GRB14: variants seen among roughly 807,000 people sequenced by gnomAD.
The protein encoded by GRB14 is growth factor receptor bound protein 14, also known as growth factor receptor-bound protein 14.
GRB14 carries 38 observed loss-of-function variants against 69.1 expected under a neutral mutation model. The ratio of observed to expected loss-of-function variants is 0.55; its 90% confidence interval spans 0.42 to 0.72. The LOEUF is 0.72. Among genes scored for constraint, GRB14 ranks in the 30% least tolerant of loss-of-function variants. The pLI is 0.00. For missense variants in GRB14, 666 were observed against 666.1 expected (o/e 1.00, Z 0.00); for synonymous variants, 247 against 241.3 (o/e 1.02, Z -0.22).
chr2:164,619,905 G>A (rs1408525360), intron 1 of GRB14, 86 bp from the exon 2 acceptor site: 8 of 1,083,202 alleles, frequency 7.4e-6, no homozygotes, highest in East Asian at 4.8e-5. Context: ...GTGCTAAGGC[G>A]AACATGTACC....
intron 5 of GRB14, among the ~76,000 whole-genome samples, chr2:164,523,819 T>C (rs780102204): frequency 2.6e-5 from 4 of 152,114 alleles, no homozygotes; most frequent in Non-Finnish European, 5.9e-5. Context: ...TTTTCTTGTT[T>C]TTATAATTTA....
At chr2:164,505,162 C>T (rs1687157663) in intron 8 of GRB14, among the ~76,000 whole-genome samples, 1 of 152,148 alleles carries the variant, frequency 6.6e-6, no homozygotes, top group Non-Finnish European at 1.5e-5. Flanking sequence ...TAATTTGTTA[C>T]AGCAGTCATA....
chr2:164,541,343 G>A (rs1486702501), intron 3 of GRB14, among the ~76,000 whole-genome samples: 1 of 151,812 alleles, frequency 6.6e-6, no homozygotes, highest in Non-Finnish European at 1.5e-5. Context: ...GTGGTGGTGG[G>A]TGCCTGTAAT....
chr2:164,620,078 T>G lies in GRB14; in HGVS notation c.192-259A>C, dbSNP rs74169433. The G allele has an allele frequency of 1.9e-3, 61 of 32,646 alleles. 4 individuals are homozygous for G. The highest frequency in any genetic ancestry group is 0.017 in the South Asian group (28 of 1,696). 2.0% of individuals were successfully genotyped at this position (32,646 alleles called of 1,614,324 possible). Reference sequence around the variant, plus strand: ...TCTCTCTCTCCCCTCCCACCACCCCTCCCCCCCCCACCGCCTTCTCTCTCT... The same window carrying G: ...TCTCTCTCTCCCCTCCCACCACCCCGCCCCCCCCCACCGCCTTCTCTCTCT... On this transcript the variant is annotated intron_variant, in intron 1 of 13. Transcript: ENST00000263915.
At chr2:164,608,305 G>A (rs1390141257) in intron 2 of GRB14, among the ~76,000 whole-genome samples, 2 of 151,954 alleles carry the variant, frequency 1.3e-5, no homozygotes, top group East Asian at 3.9e-4. Context: ...CCAGGAGGTG[G>A]AGGTCGTAGT....
intron 2 of GRB14, among the ~76,000 whole-genome samples, chr2:164,583,969 A>G (rs1689475019): frequency 6.6e-6 from 1 of 151,558 alleles, no homozygotes; most frequent in Non-Finnish European, 1.5e-5. Context: ...CTATATTATT[A>G]TGCAGAATTT....
Position 164,492,907 on chromosome 2 carries a change from A to AT in GRB14, c.*128dup, listed in dbSNP as rs1303924477. ...TTTGCTTATTTGCAATGCACAAACT[A>AT]TTTTTTTGTAACTTGCAGGTGAAAT... On this transcript the variant is annotated 3_prime_UTR_variant, in exon 14 of 14. Coordinates refer to ENST00000263915, the MANE Select transcript of GRB14 (RefSeq NM_004490.3). 4 of 784,266 alleles carry AT rather than the reference A, an allele frequency of 5.1e-6. No homozygotes were observed. The highest frequency in any genetic ancestry group is 7.8e-6 in the Non-Finnish European group (4 of 515,886). The allele number at this position is 784,266 out of a possible 1,614,324, so 48.6% of individuals were successfully genotyped here. A position where few individuals can be genotyped will look rare whatever the true frequency, so the allele number is the denominator to read the frequency against.
intron 2 of GRB14, among the ~76,000 whole-genome samples, chr2:164,587,596 C>CTGCCAATACA (rs1347855543): frequency 2.0e-5 from 3 of 152,080 alleles, no homozygotes; most frequent in African/African-American, 7.2e-5. Flanking sequence ...ATACTACATA[C>CTGCCAATACA]TAACAAATAA....
chr2:164,508,696 A>C (rs1687256781), intron 7 of GRB14, 46 bp downstream of exon 7: 3 of 1,492,122 alleles, frequency 2.0e-6, no homozygotes, highest in East Asian at 4.5e-5. Flanking sequence ...CTTACCTAAA[A>C]GGCTGAGGCT....
chr2:164,510,062 T>G (rs995601237), intron 6 of GRB14, among the ~76,000 whole-genome samples: 1 of 152,104 alleles, frequency 6.6e-6, no homozygotes, highest in East Asian at 1.9e-4. Flanking sequence ...CGGAAAAAGG[T>G]AGGAGGAAAG....
At chr2:164,512,267 A>G (rs572876151) in intron 6 of GRB14, among the ~76,000 whole-genome samples, 1 of 152,226 alleles carries the variant, frequency 6.6e-6, no homozygotes, top group South Asian at 2.1e-4. Flanking sequence ...CCTAGGTTCA[A>G]GTGATTCTCC....
At chr2:164,586,744 T>A (rs934550004) in intron 2 of GRB14, among the ~76,000 whole-genome samples, 2 of 152,168 alleles carry the variant, frequency 1.3e-5, no homozygotes, top group African/African-American at 4.8e-5. Context: ...TCAAATCCCT[T>A]GATCAAAATG....
chr2:164,537,737 C>T (rs750296444), intron 3 of GRB14, among the ~76,000 whole-genome samples: 1 of 152,174 alleles, frequency 6.6e-6, no homozygotes, highest in East Asian at 1.9e-4. Context: ...GTTGTGGGCA[C>T]TTACTATCTT....
chr2:164,493,170 C>A lies in GRB14; in HGVS notation c.1489G>T (p.Gly497Cys). 6.2e-7 allele frequency: 1 copy of A among 1,612,000 alleles called. No individual in the cohort carries two copies. Among genetic ancestry groups the A allele is most frequent in the Non-Finnish European group, 8.5e-7 (1 of 1,179,018 alleles). Residue 497 changes from glycine (G) to cysteine (C), a missense_variant, in exon 14 of 14, where the codon GGT becomes TGT. Physicochemically the swap from Gly to Cys is radical, Grantham distance 159 (BLOSUM62 -3). Coordinates refer to ENST00000263915, the MANE Select transcript of GRB14 (RefSeq NM_004490.3). ...TCATCCAGTGTGTGGAACATTTCAC[C>A]GTCATCTTCTACCTGCAAAAAGAAA... Reference protein sequence around the residue: ...HFQIIPVEDDGEMFHTLDDGH... With the variant: ...HFQIIPVEDDCEMFHTLDDGH...
At chr2:164,620,073 A>ACCCCC (rs1558888515) in intron 1 of GRB14, 2 of 43,766 alleles carry the variant, frequency 4.6e-5, no homozygotes, top group Non-Finnish European at 8.0e-5. Context: ...CCCTCCCACC[A>ACCCCC]CCCCTCCCCC....
intron 3 of GRB14, among the ~76,000 whole-genome samples, chr2:164,544,395 G>A (rs1014594762): frequency 2.0e-4 from 30 of 151,972 alleles, no homozygotes; most frequent in Admixed American, 7.2e-4. Flanking sequence ...AAATGGTAGT[G>A]ACTATAACAA....
chr2:164,533,357 C>G (rs887837068), intron 3 of GRB14, among the ~76,000 whole-genome samples: 1 of 150,828 alleles, frequency 6.6e-6, no homozygotes, highest in Non-Finnish European at 1.5e-5. Context: ...CTCAGCCTCC[C>G]GAGTAGCTGG....
chr2:164,530,004 T>G (rs1215962713), intron 3 of GRB14, among the ~76,000 whole-genome samples: 1 of 152,174 alleles, frequency 6.6e-6, no homozygotes, highest in Non-Finnish European at 1.5e-5. Flanking sequence ...CTCATGAAGC[T>G]TTCATTCTAA....
intron 2 of GRB14, among the ~76,000 whole-genome samples, chr2:164,587,555 A>C (rs143540476): frequency 6.6e-6 from 1 of 152,176 alleles, no homozygotes; most frequent in East Asian, 1.9e-4. Flanking sequence ...TGTCTTTAAT[A>C]ATGTCATATT....
Sources: gnomAD v4.1 joint callset for allele counts (sites outside exome capture counted in the v4.1 genomes callset) on GRCh38, gnomAD v4.1.1 for gene constraint, MANE v1.5 for transcripts, NCBI Gene and HGNC (gene_info 2026-07-23, HGNC 2026-07-21) for gene names.